TCIM: variants seen among roughly 807,000 people sequenced by gnomAD.
The protein encoded by TCIM is transcriptional and immune response regulator.
A neutral mutation model predicts 7.0 loss-of-function variants in TCIM; 5 were observed. That is an observed-to-expected ratio of 0.71 (90% confidence interval 0.37 to 1.50). The LOEUF (loss-of-function observed/expected upper bound fraction) is 1.50. Ranked by LOEUF, TCIM falls within the 40% of genes most tolerant of loss-of-function variation. The probability of loss-of-function intolerance (pLI) is 0.03; values close to 1 mark genes in which losing one functional copy is unlikely to be tolerated. For missense variants in TCIM, 137 were observed against 129.7 expected (o/e 1.06, Z -0.27); for synonymous variants, 66 against 50.3 (o/e 1.31, Z -1.32).
At position 40,153,576 on chromosome 8, in the gene TCIM, C is replaced by A; in HGVS notation, c.44C>A (p.Ser15Ter). The change falls in exon 1 of 1, where the codon TCG becomes TAG. Residue 15 changes from serine (S) to a stop codon, truncating the protein, a stop_gained. Transcript: ENST00000315792. LOFTEE classifies it high-confidence loss of function. Reference protein sequence around the residue: ...RSHQAVIMSTSLRVSPSIHGY... With the variant: ...RSHQAVIMST Reference sequence around the variant, plus strand: ...CACCAAGCCGTCATCATGTCCACGTCGCTACGAGTCAGCCCATCCATCCAT... The same window carrying A: ...CACCAAGCCGTCATCATGTCCACGTAGCTACGAGTCAGCCCATCCATCCAT... The A allele has an allele frequency of 1.2e-6, 2 of 1,614,040 alleles. No individual in the cohort carries two copies. The highest frequency in any genetic ancestry group is 1.7e-6 in the Non-Finnish European group (2 of 1,179,986).
In TCIM at chr8:40,153,773, C is replaced by T. The variant is rs1219059770; in HGVS notation, c.241C>T (p.Leu81=). The change falls in exon 1 of 1, where the codon CTG becomes TTG. Residue 81 remains leucine (L), a synonymous_variant. Coordinates refer to ENST00000315792, the MANE Select transcript of TCIM (RefSeq NM_020130.5). The part of the protein sequence containing the change: ...DQDVEEKTRA[L]MALKKRTKDK... ...AGATGTGGAGGAGAAAACGCGTGCCCTGATGGCCTTGAAGAAGAGGACAAA... is the reference window on the plus strand; with the variant it reads ...AGATGTGGAGGAGAAAACGCGTGCCTTGATGGCCTTGAAGAAGAGGACAAA... 2.5e-6 allele frequency: 4 copies of T among 1,613,988 alleles called. No individual in the cohort carries two copies. The Admixed American group carries it at 6.7e-5, about 27-fold the overall frequency.
Position 40,153,686 on chromosome 8 carries a change from T to C in TCIM, c.154T>C (p.Phe52Leu). 1.9e-6 allele frequency: 3 copies of C among 1,614,130 alleles called. No individual in the cohort carries two copies. Among genetic ancestry groups the C allele is most frequent in the East Asian group, 2.2e-5 (1 of 44,872 alleles). The change falls in exon 1 of 1, where the codon TTC becomes CTC. Residue 52 changes from phenylalanine to leucine, a missense_variant. By Grantham distance (22) the Phe-to-Leu change is conservative. Transcript: ENST00000315792. ...AGACCAAGAATCACTAGAAAGGCTC[T>C]TCAGAAACTCTGGAGACAAGAAAGC... Reference protein sequence around the residue: ...NTDQESLERLFRNSGDKKAEE... With the variant: ...NTDQESLERLLRNSGDKKAEE...
chr8:40,153,661 A>C lies in TCIM; in HGVS notation c.129A>C (p.Thr43=), dbSNP rs539318737. 1 of 1,614,204 alleles carries C rather than the reference A, an allele frequency of 6.2e-7. No individual in the cohort carries two copies. Among genetic ancestry groups the C allele is most frequent in the Non-Finnish European group, 8.5e-7 (1 of 1,180,026 alleles). Residue 43 remains threonine (T), a synonymous_variant, in exon 1 of 1, where the codon ACA becomes ACC. Coordinates refer to ENST00000315792, the MANE Select transcript of TCIM (RefSeq NM_020130.5). Reference sequence around the variant, plus strand: ...CCGTGGGCAACATCTTTGAAAACACAGACCAAGAATCACTAGAAAGGCTCT... The same window carrying C: ...CCGTGGGCAACATCTTTGAAAACACCGACCAAGAATCACTAGAAAGGCTCT... ...KKAVGNIFEN[T]DQESLERLFR... is the part of the protein sequence containing the mutation.
In TCIM at chr8:40,153,558, C is replaced by T. The variant is rs752690598; in HGVS notation, c.26C>T (p.Ala9Val). 3 of 1,613,100 alleles carry T rather than the reference C, an allele frequency of 1.9e-6. No individual in the cohort carries two copies. The South Asian group carries it at 3.3e-5, about 18-fold the overall frequency. The change falls in exon 1 of 1, where the codon GCC becomes GTC. Residue 9 changes from alanine (A) to valine (V), a missense_variant. Physicochemically the swap from Ala to Val is moderately conservative, Grantham distance 64. Transcript: ENST00000315792. MKAKRSHQ[A>V]VIMSTSLRVS... ...ATGAAAGCAAAGCGAAGCCACCAAGCCGTCATCATGTCCACGTCGCTACGA... is the reference window on the plus strand; with the variant it reads ...ATGAAAGCAAAGCGAAGCCACCAAGTCGTCATCATGTCCACGTCGCTACGA...
chr8:40,154,224 C>T lies in TCIM; in HGVS notation c.*371C>T. The T allele has an allele frequency of 2.4e-6, 1 of 413,420 alleles. No homozygotes were observed. Among genetic ancestry groups the T allele is most frequent in the Non-Finnish European group, 4.4e-6 (1 of 226,808 alleles). The allele number at this position is 413,420 out of a possible 1,614,324, so 25.6% of individuals were successfully genotyped here. On this transcript the variant is annotated 3_prime_UTR_variant, in exon 1 of 1. Coordinates refer to ENST00000315792, the MANE Select transcript of TCIM (RefSeq NM_020130.5). ...TTTATCCAGGGTCACTTTGTCAGGC[C>T]CTAGGACTTAAATCGAAGTTGAACT... is the stretch of plus-strand genomic sequence containing the variant.
At position 40,153,725 on chromosome 8, in the gene TCIM, A is replaced by C. The variant is rs779794062; in HGVS notation, c.193A>C (p.Lys65Gln). 1 of 1,614,156 alleles carries C rather than the reference A, an allele frequency of 6.2e-7. No homozygotes were observed. Among genetic ancestry groups the C allele is most frequent in the Non-Finnish European group, 8.5e-7 (1 of 1,180,020 alleles). Residue 65 changes from lysine to glutamine, a missense_variant, in exon 1 of 1, where the codon AAG becomes CAG. Transcript: ENST00000315792. Reference sequence around the variant, plus strand: ...AGACAAGAAAGCAGAGGAGAGAGCCAAGATCATTTTTGCCATAGATCAAGA... The same window carrying C: ...AGACAAGAAAGCAGAGGAGAGAGCCCAGATCATTTTTGCCATAGATCAAGA... ...SGDKKAEERA[K>Q]IIFAIDQDVE...
At position 40,153,926 on chromosome 8, in the gene TCIM, C is replaced by T. The variant is rs1202297836; in HGVS notation, c.*73C>T. ...ACCAAGTGAGTTTGTGAGATTCTAA[C>T]AGATGCAGCATTTTGCTGCTACCTT... On this transcript the variant is annotated 3_prime_UTR_variant, in exon 1 of 1. Coordinates refer to ENST00000315792, the MANE Select transcript of TCIM (RefSeq NM_020130.5). 7 of 1,352,612 alleles carry T rather than the reference C, an allele frequency of 5.2e-6. No homozygotes were observed. The highest frequency in any genetic ancestry group is 1.5e-5 in the African/African-American group (1 of 68,542). The allele number at this position is 1,352,612 out of a possible 1,614,324, so 83.8% of individuals were successfully genotyped here. A position where few individuals can be genotyped will look rare whatever the true frequency, so the allele number is the denominator to read the frequency against.
In TCIM at chr8:40,153,811, C is replaced by T; in HGVS notation, c.279C>T (p.Phe93=). The change falls in exon 1 of 1, where the codon TTC becomes TTT. Residue 93 remains phenylalanine (F), a synonymous_variant. Transcript: ENST00000315792. ...ALKKRTKDKL[F]QFLKLRKYSI... is the part of the protein sequence containing the mutation. ...AGAAGAGGACAAAAGACAAGCTTTTCCAGTTTCTGAAACTGCGGAAATATT... is the reference window on the plus strand; with the variant it reads ...AGAAGAGGACAAAAGACAAGCTTTTTCAGTTTCTGAAACTGCGGAAATATT... 1 of 1,613,680 alleles carries T rather than the reference C, an allele frequency of 6.2e-7. No homozygotes were observed.
chr8:40,154,363 A>G lies in TCIM; in HGVS notation c.*510A>G, dbSNP rs1026847043. Reference sequence around the variant, plus strand: ...TGAATTTTTATATCTGAGTGTTCAAAATATTTCCAAGCCTGAGTATTGTCT... The same window carrying G: ...TGAATTTTTATATCTGAGTGTTCAAGATATTTCCAAGCCTGAGTATTGTCT... On this transcript the variant is annotated 3_prime_UTR_variant, in exon 1 of 1. Coordinates refer to ENST00000315792, the MANE Select transcript of TCIM (RefSeq NM_020130.5). The G allele has an allele frequency of 4.9e-6, 2 of 411,774 alleles. No individual in the cohort carries two copies. Among genetic ancestry groups the G allele is most frequent in the Non-Finnish European group, 8.9e-6 (2 of 225,710 alleles). 25.5% of individuals were successfully genotyped at this position (411,774 alleles called of 1,614,324 possible).
In TCIM at chr8:40,153,516, G is replaced by A. The variant is rs773946763; in HGVS notation, c.-17G>A. ...CTGGAAAGCCTGGGAGCTGAATTCC[G>A]GAAGATCCCCACATCGATGAAAGCA... On this transcript the variant is annotated 5_prime_UTR_variant, in exon 1 of 1. Coordinates refer to ENST00000315792, the MANE Select transcript of TCIM (RefSeq NM_020130.5). 1.3e-5 allele frequency: 20 copies of A among 1,593,912 alleles called. No individual in the cohort carries two copies. Among genetic ancestry groups the A allele is most frequent in the Admixed American group, 5.3e-5 (3 of 57,000 alleles).
chr8:40,153,749 G>A lies in TCIM; in HGVS notation c.217G>A (p.Asp73Asn), dbSNP rs1173673338. ...RAKIIFAIDQ[D>N]VEEKTRALMA... ...CAAGATCATTTTTGCCATAGATCAA[G>A]ATGTGGAGGAGAAAACGCGTGCCCT... The change falls in exon 1 of 1, where the codon GAT (aspartate) becomes AAT (asparagine). Residue 73 changes from aspartate to asparagine, a missense_variant. Coordinates refer to ENST00000315792, the MANE Select transcript of TCIM (RefSeq NM_020130.5). The A allele has an allele frequency of 6.2e-7, 1 of 1,614,142 alleles. No homozygotes were observed. The highest frequency in any genetic ancestry group is 8.5e-7 in the Non-Finnish European group (1 of 1,180,018).
chr8:40,154,248 CTTTT>C lies in TCIM; in HGVS notation c.*408_*411del, dbSNP rs10712630. The stretch of plus-strand genomic sequence containing the variant: ...CCCTAGGACTTAAATCGAAGTTGAA[CTTTT>C]TTTTTTTTTTTTAACCAAATAGATA... On this transcript the variant is annotated 3_prime_UTR_variant, in exon 1 of 1. Coordinates refer to ENST00000315792, the MANE Select transcript of TCIM (RefSeq NM_020130.5). 3.3e-5 allele frequency: 13 copies of C among 391,800 alleles called. No individual in the cohort carries two copies. The highest frequency in any genetic ancestry group is 1.4e-4 in the South Asian group (1 of 7,018). 24.3% of individuals were successfully genotyped at this position (391,800 alleles called of 1,614,324 possible).
rs200284520 is a variant in TCIM at position 40,153,520 on chromosome 8, G to A, written c.-13G>A. 5.0e-6 allele frequency: 8 copies of A among 1,596,862 alleles called. No homozygotes were observed. In the Admixed American group the frequency reaches 1.2e-4, roughly 24 times the overall value. ...AAAGCCTGGGAGCTGAATTCCGGAA[G>A]ATCCCCACATCGATGAAAGCAAAGC... On this transcript the variant is annotated 5_prime_UTR_variant, in exon 1 of 1. Transcript: ENST00000315792.
rs946427847 is a variant in TCIM, at chr8:40,154,298, G to C, written c.*445G>C. On this transcript the variant is annotated 3_prime_UTR_variant, in exon 1 of 1. Coordinates refer to ENST00000315792, the MANE Select transcript of TCIM (RefSeq NM_020130.5). Reference sequence around the variant, plus strand: ...AGATAGGGGAAGGGAGGAGGGAGAGGGAGGACAGGGAGAGAAAATACCATG... The same window carrying C: ...AGATAGGGGAAGGGAGGAGGGAGAGCGAGGACAGGGAGAGAAAATACCATG... 4.8e-6 allele frequency: 2 copies of C among 412,950 alleles called. No homozygotes were observed. The highest frequency in any genetic ancestry group is 8.7e-5 in the Admixed American group (2 of 22,866). 25.6% of individuals were successfully genotyped at this position (412,950 alleles called of 1,614,324 possible). A position where few individuals can be genotyped will look rare whatever the true frequency, so the allele number is the denominator to read the frequency against.
chr8:40,153,869 T>C lies in TCIM; in HGVS notation c.*16T>C, dbSNP rs1013932215. 6.3e-7 allele frequency: 1 copy of C among 1,591,092 alleles called. No individual in the cohort carries two copies. The highest frequency in any genetic ancestry group is 8.6e-7 in the Non-Finnish European group (1 of 1,167,770). On this transcript the variant is annotated 3_prime_UTR_variant, in exon 1 of 1. Transcript: ENST00000315792. ...AGTTCACTGAAGAGAAGAGGATGGA[T>C]AAGGACGTTATCCAAGAATGGACAT...
At position 40,154,210 on chromosome 8, in the gene TCIM, T is replaced by C; in HGVS notation, c.*357T>C. ...GGCTGGAGATGACATTTATCCAGGG[T>C]CACTTTGTCAGGCCCTAGGACTTAA... On this transcript the variant is annotated 3_prime_UTR_variant, in exon 1 of 1. Transcript: ENST00000315792. 1 of 415,642 alleles carries C rather than the reference T, an allele frequency of 2.4e-6. No individual in the cohort carries two copies. The highest frequency in any genetic ancestry group is 4.4e-6 in the Non-Finnish European group (1 of 227,944). The allele number at this position is 415,642 out of a possible 1,614,324, so 25.7% of individuals were successfully genotyped here.
In TCIM at chr8:40,154,354, A is replaced by G. The variant is rs1353108246; in HGVS notation, c.*501A>G. ...ATTGTTTACTGAATTTTTATATCTG[A>G]GTGTTCAAAATATTTCCAAGCCTGA... On this transcript the variant is annotated 3_prime_UTR_variant, in exon 1 of 1. Transcript: ENST00000315792. The G allele has an allele frequency of 7.3e-6, 3 of 411,902 alleles. No homozygotes were observed. The highest frequency in any genetic ancestry group is 1.3e-5 in the Non-Finnish European group (3 of 225,882). The allele number at this position is 411,902 out of a possible 1,614,324, so 25.5% of individuals were successfully genotyped here.
Position 40,153,938 on chromosome 8 carries a change from T to C in TCIM, c.*85T>C. On this transcript the variant is annotated 3_prime_UTR_variant, in exon 1 of 1. Transcript: ENST00000315792. ...TGTGAGATTCTAACAGATGCAGCAT[T>C]TTGCTGCTACCTTACAAGCTTCTCT... 6 of 1,253,054 alleles carry C rather than the reference T, an allele frequency of 4.8e-6. No homozygotes were observed. In the South Asian group the frequency reaches 8.7e-5, roughly 18 times the overall value. 77.6% of individuals were successfully genotyped at this position (1,253,054 alleles called of 1,614,324 possible).
chr8:40,154,065 G>T lies in TCIM; in HGVS notation c.*212G>T, dbSNP rs1019127374. ...TCCAAACAATTTCATGCCCTGTGCT[G>T]TTACAGAGGAGAACAAAATGCTTTC... On this transcript the variant is annotated 3_prime_UTR_variant, in exon 1 of 1. Transcript: ENST00000315792. 6 of 559,942 alleles carry T rather than the reference G, an allele frequency of 1.1e-5. No individual in the cohort carries two copies. Among genetic ancestry groups the T allele is most frequent in the Non-Finnish European group, 1.9e-5 (6 of 311,564 alleles). 34.7% of individuals were successfully genotyped at this position (559,942 alleles called of 1,614,324 possible). A position where few individuals can be genotyped will look rare whatever the true frequency, so the allele number is the denominator to read the frequency against.
Sources: allele counts gnomAD v4.1 joint callset, GRCh38; gene constraint gnomAD v4.1.1; transcripts MANE v1.5; gene names NCBI Gene and HGNC (gene_info 2026-07-23, HGNC 2026-07-21).